Variants in HAUS2 observed in about 807,000 individuals in gnomAD.
The protein encoded by HAUS2 is HAUS augmin like complex subunit 2, also known as HAUS augmin-like complex subunit 2.
Under a neutral mutation model 21.6 loss-of-function variants are expected in HAUS2, and 20 were observed. That is an observed-to-expected ratio of 0.93 (90% CI 0.65 to 1.35). The LOEUF (loss-of-function observed/expected upper bound fraction) is 1.35, where lower values mean the gene tolerates loss of function less well. Among genes scored for constraint, HAUS2 ranks in the 40% most tolerant of loss-of-function variants. The pLI is 0.00. For missense variants in HAUS2, 297 were observed against 280.7 expected (o/e 1.06, Z -0.42); for synonymous variants, 113 against 95.6 (o/e 1.18, Z -1.06).
In HAUS2 at chr15:42,568,708, C is replaced by T. The variant is rs1446320907; in HGVS notation, c.*1892C>T. On this transcript the variant is annotated 3_prime_UTR_variant, in exon 6 of 6. Transcript: ENST00000260372. ...ACGTGACCAGCCCCCAGTAAAAACC[C>T]TGGGCACTGTATCTCTAACAAGTTT... The T allele has an allele frequency of 6.6e-6, 1 of 152,164 alleles. No individual in the cohort carries two copies. Among genetic ancestry groups the T allele is most frequent in the East Asian group, 1.9e-4 (1 of 5,194 alleles). 9.4% of individuals were successfully genotyped at this position (152,164 alleles called of 1,614,324 possible). A position where few individuals can be genotyped will look rare whatever the true frequency, so the allele number is the denominator to read the frequency against.
chr15:42,561,638 A>G, intron 4 of HAUS2: 1 of 407,056 alleles, frequency 2.5e-6, no homozygotes. Context: ...GTTTAATGAA[A>G]GAAATTAGAT....
intron 4 of HAUS2, chr15:42,561,631 T>C (rs2057854760): frequency 2.4e-6 from 1 of 417,352 alleles, no homozygotes; most frequent in South Asian, 4.3e-5. Flanking sequence ...ATTATGAGTT[T>C]AATGAAAGAA....
chr15:42,554,988 T>C (rs899227746), intron 1 of HAUS2, among the ~76,000 whole-genome samples: 6 of 151,266 alleles, frequency 4.0e-5, no homozygotes, highest in Middle Eastern at 3.4e-3. Context: ...TCACCATGCC[T>C]GGCTAATTTT....
In HAUS2 at chr15:42,559,416, G is replaced by A. The variant is rs1398698789; in HGVS notation, c.256+8G>A. On this transcript the variant is annotated splice_region_variant and intron_variant, in intron 3 of 5. Transcript: ENST00000260372. ...TTCATCCTTTCTTTTTGGGTAAGTG[G>A]TTTGGTTAAGTGGATAATCACTGGA... is the stretch of plus-strand genomic sequence containing the variant. 2.0e-6 allele frequency: 3 copies of A among 1,523,566 alleles called. No homozygotes were observed. The highest frequency in any genetic ancestry group is 2.7e-5 in the African/African-American group (2 of 73,116). The allele number at this position is 1,523,566 out of a possible 1,614,324, so 94.4% of individuals were successfully genotyped here.
chr15:42,560,539 G>T (rs894737170), intron 3 of HAUS2, among the ~76,000 whole-genome samples: 3 of 151,572 alleles, frequency 2.0e-5, no homozygotes, highest in Non-Finnish European at 2.9e-5. Context: ...TTCCAAAGAA[G>T]AATTTTAAAG....
chr15:42,554,229 G>C (rs1182363275), intron 1 of HAUS2, among the ~76,000 whole-genome samples: 2 of 151,752 alleles, frequency 1.3e-5, no homozygotes, highest in Non-Finnish European at 2.9e-5. Flanking sequence ...AACCTCTCCA[G>C]TCTATTTCTC....
chr15:42,549,262 T>G (rs1402606484), intron 1 of HAUS2, among the ~76,000 whole-genome samples: 2 of 152,002 alleles, frequency 1.3e-5, no homozygotes, highest in South Asian at 2.1e-4. Flanking sequence ...CATCCAGTGA[T>G]ACTGCCTCTA....
In HAUS2 at chr15:42,548,863, C is replaced by A. The variant is rs537169023; in HGVS notation, c.-10C>A. 1.9e-6 allele frequency: 3 copies of A among 1,544,726 alleles called. No individual in the cohort carries two copies. Among genetic ancestry groups the A allele is most frequent in the Admixed American group, 2.0e-5 (1 of 50,522 alleles). ...ACTCTTGGCGCCTTCGCGGAAGGTGCGTCCGAGCCATGGCCGCTGCCAACC... is the reference window on the plus strand; with the variant it reads ...ACTCTTGGCGCCTTCGCGGAAGGTGAGTCCGAGCCATGGCCGCTGCCAACC... On this transcript the variant is annotated 5_prime_UTR_variant, in exon 1 of 6. Transcript: ENST00000260372.
Position 42,558,214 on chromosome 15 carries a change from C to A in HAUS2, c.110C>A (p.Ser37Tyr). Residue 37 changes from serine to tyrosine, a missense_variant, in exon 2 of 6, where the codon TCT becomes TAT. Coordinates refer to ENST00000260372, the MANE Select transcript of HAUS2 (RefSeq NM_018097.3). ...TACCAATAGGAGATGTTAAACATGTCTAAGAAAACAGTTTCTTGTTTTGTG... is the reference window on the plus strand; with the variant it reads ...TACCAATAGGAGATGTTAAACATGTATAAGAAAACAGTTTCTTGTTTTGTG... ...GMVNQEMLNMSKKTVSCFVNF... is the reference protein window; with the variant it reads ...GMVNQEMLNMYKKTVSCFVNF... The A allele has an allele frequency of 6.8e-7, 1 of 1,464,508 alleles. No individual in the cohort carries two copies. Among genetic ancestry groups the A allele is most frequent in the Non-Finnish European group, 9.5e-7 (1 of 1,051,590 alleles). The allele number at this position is 1,464,508 out of a possible 1,614,324, so 90.7% of individuals were successfully genotyped here. A position where few individuals can be genotyped will look rare whatever the true frequency, so the allele number is the denominator to read the frequency against.
At chr15:42,549,536 T>C (rs1008684528) in intron 1 of HAUS2, among the ~76,000 whole-genome samples, 1 of 151,760 alleles carries the variant, frequency 6.6e-6, no homozygotes, top group Non-Finnish European at 1.5e-5. Context: ...AACCTCCGCC[T>C]TCCTGGTTCA....
chr15:42,562,675 T>C (rs1345593112), intron 4 of HAUS2, among the ~76,000 whole-genome samples: 1 of 152,248 alleles, frequency 6.6e-6, no homozygotes, highest in Non-Finnish European at 1.5e-5. Context: ...ATGTATATAT[T>C]GTACTACATC....
intron 2 of HAUS2, among the ~76,000 whole-genome samples, chr15:42,558,885 G>C (rs2057818246): frequency 6.6e-6 from 1 of 151,952 alleles, no homozygotes; most frequent in Non-Finnish European, 1.5e-5. Flanking sequence ...TTGAGCCTAG[G>C]AAATCGGGGC....
At chr15:42,555,730 T>C (rs1329758196) in intron 1 of HAUS2, among the ~76,000 whole-genome samples, 5 of 152,206 alleles carry the variant, frequency 3.3e-5, no homozygotes, top group African/African-American at 1.2e-4. Context: ...TTTCGTTGAC[T>C]AACTCAGTAA....
chr15:42,549,000 T>G (rs1595542295), intron 1 of HAUS2, 35 bp downstream of exon 1: 3 of 1,349,278 alleles, frequency 2.2e-6, no homozygotes, highest in African/African-American at 1.4e-5. Flanking sequence ...ATCAAGGGGG[T>G]GCCCAAGGTG....
Position 42,549,765 on chromosome 15 carries a change from CAAAAAA to C in HAUS2, c.93+819_93+824del, listed in dbSNP as rs58614126. Among the ~76,000 whole-genome samples, 70 of 58,120 alleles carry C rather than the reference CAAAAAA, an allele frequency of 1.2e-3. 1 individual carries two copies. Among genetic ancestry groups the C allele is most frequent in the South Asian group, 3.3e-3 (4 of 1,216 alleles). The allele number at this position is 58,120 out of a possible 152,430, so 38.1% of individuals were successfully genotyped here. The stretch of plus-strand genomic sequence containing the variant: ...CGCCCGGCCTTGGCATCTTTAAAGG[CAAAAAA>C]AAAAAAAAAAAAAAAAAAGTATTGG... On this transcript the variant is annotated intron_variant, in intron 1 of 5. Coordinates refer to ENST00000260372, the MANE Select transcript of HAUS2 (RefSeq NM_018097.3).
chr15:42,550,147 C>T (rs1039680948), intron 1 of HAUS2, among the ~76,000 whole-genome samples: 11 of 151,900 alleles, frequency 7.2e-5, no homozygotes, highest in Non-Finnish European at 1.5e-4. Context: ...ACCTGTAGTC[C>T]CAACTACTCC....
At chr15:42,551,001 T>TC (rs1286569789) in intron 1 of HAUS2, among the ~76,000 whole-genome samples, 1 of 149,560 alleles carries the variant, frequency 6.7e-6, no homozygotes, top group Non-Finnish European at 1.5e-5. Flanking sequence ...TCTTTTCTTT[T>TC]TTTTTTTTTT....
chr15:42,560,639 G>T, intron 3 of HAUS2: 6 of 372,336 alleles, frequency 1.6e-5, no homozygotes, highest in East Asian at 4.5e-5. Context: ...TTTTTTTTAA[G>T]AGTGTGTCAC....
intron 1 of HAUS2, among the ~76,000 whole-genome samples, chr15:42,551,412 G>A (rs1453944325): frequency 2.6e-5 from 4 of 151,986 alleles, no homozygotes; most frequent in African/African-American, 9.7e-5. Context: ...AGGCCGAGGC[G>A]GGTGGATCAC....
Sources: allele counts gnomAD v4.1 joint callset (sites outside exome capture counted in the v4.1 genomes callset), GRCh38; gene constraint gnomAD v4.1.1; transcripts MANE v1.5; gene names NCBI Gene and HGNC (gene_info 2026-07-23, HGNC 2026-07-21).